The following DPY19L3 variants were observed in gnomAD, a reference collection of about 807,000 sequenced individuals.
DPY19L3 encodes the protein protein C-mannosyl-transferase DPY19L3.
A neutral mutation model predicts 92.3 loss-of-function variants in DPY19L3; 51 were observed. That is an observed-to-expected ratio of 0.55 (90% confidence interval 0.44 to 0.70). DPY19L3 has a LOEUF of 0.70. Ranked by LOEUF, DPY19L3 falls within the 30% of genes least tolerant of loss-of-function variation. DPY19L3 has a pLI of 0.00. For synonymous variants in DPY19L3, 309 were observed against 315.2 expected (o/e 0.98, Z 0.21); for missense variants, 706 against 855.9 (o/e 0.82, Z 2.18).
chr19:32,482,106 C>G lies in DPY19L3; in HGVS notation c.2017C>G (p.Pro673Ala). 1 of 1,613,750 alleles carries G rather than the reference C, an allele frequency of 6.2e-7. No individual in the cohort carries two copies. Among genetic ancestry groups the G allele is most frequent in the South Asian group, 1.1e-5 (1 of 91,062 alleles). Residue 673 changes from proline (P) to alanine (A), a missense_variant, in exon 19 of 19, where the codon CCT (proline) becomes GCT (alanine). By Grantham distance (27) the Pro-to-Ala change is conservative. Transcript: ENST00000392250. The part of the protein sequence containing the change: ...HMMDGPGEND[P>A]DLKPADHPRF... ...GATGGATGGCCCAGGAGAGAATGATCCTGATTTGAAACCTGCAGACCACCC... is the reference window on the plus strand; with the variant it reads ...GATGGATGGCCCAGGAGAGAATGATGCTGATTTGAAACCTGCAGACCACCC...
rs1476757248 is a variant in DPY19L3, at chr19:32,485,351, A to C, written c.*3111A>C. 2 of 152,032 alleles carry C rather than the reference A, an allele frequency of 1.3e-5. No homozygotes were observed. The highest frequency in any genetic ancestry group is 1.5e-5 in the Non-Finnish European group (1 of 68,006). 9.4% of individuals were successfully genotyped at this position (152,032 alleles called of 1,614,324 possible). On this transcript the variant is annotated 3_prime_UTR_variant, in exon 19 of 19. Coordinates refer to ENST00000392250, the MANE Select transcript of DPY19L3 (RefSeq NM_001172774.2). Reference sequence around the variant, plus strand: ...TACCCAGGCCATTTATCATCCTGTTAATGATGATTTTCCCGACCCTTGTGA... The same window carrying C: ...TACCCAGGCCATTTATCATCCTGTTCATGATGATTTTCCCGACCCTTGTGA...
chr19:32,467,421 TACAA>T, intron 15 of DPY19L3: 1 of 986,426 alleles, frequency 1.0e-6, no homozygotes, highest in Non-Finnish European at 1.2e-6. Context: ...ATTGAAATAT[TACAA>T]AGGCATCATT....
intron 5 of DPY19L3, 113 bp downstream of exon 5, chr19:32,436,680 C>A: frequency 1.0e-6 from 1 of 959,582 alleles, no homozygotes. Flanking sequence ...AGTAGAAAAT[C>A]AGCAATACTA....
rs763067936 is a variant in DPY19L3 at position 32,463,994 on chromosome 19, C to A, written c.1557+14C>A. 2 of 1,553,538 alleles carry A rather than the reference C, an allele frequency of 1.3e-6. No individual in the cohort carries two copies. Among genetic ancestry groups the A allele is most frequent in the South Asian group, 1.2e-5 (1 of 86,830 alleles). ...AACCCAAAGAGGGTCAGTGTCATCC[C>A]TTTTTCCATCTCCTTTTATGACTTG... On this transcript the variant is annotated intron_variant, in intron 14 of 18. Transcript: ENST00000392250.
At chr19:32,444,243 A>G (rs899803028) in intron 8 of DPY19L3, among the ~76,000 whole-genome samples, 2 of 152,156 alleles carry the variant, frequency 1.3e-5, no homozygotes, top group African/African-American at 4.8e-5. Context: ...ACTCTAAGCA[A>G]AGAAGTAGAA....
chr19:32,451,316 C>A (rs1339186253), intron 8 of DPY19L3, among the ~76,000 whole-genome samples: 1 of 152,154 alleles, frequency 6.6e-6, no homozygotes, highest in Non-Finnish European at 1.5e-5. Flanking sequence ...AATATTATTT[C>A]TTTAGGTAAT....
chr19:32,468,568 A>G, intron 15 of DPY19L3, 163 bp from the exon 16 acceptor site: 1 of 1,315,090 alleles, frequency 7.6e-7, no homozygotes, highest in South Asian at 2.2e-5. Flanking sequence ...GTTCCCTTGT[A>G]TTAGGAGGGT....
intron 3 of DPY19L3, among the ~76,000 whole-genome samples, chr19:32,415,732 T>G (rs1555715767): frequency 6.6e-6 from 1 of 152,174 alleles, no homozygotes; most frequent in African/African-American, 2.4e-5. Context: ...AAATATTCAG[T>G]GAGTATCTTC....
intron 8 of DPY19L3, among the ~76,000 whole-genome samples, chr19:32,443,414 T>C (rs1271363186): frequency 6.6e-6 from 1 of 152,130 alleles, no homozygotes; most frequent in East Asian, 1.9e-4. Context: ...GTGATTGTAT[T>C]AGGAGGTAGG....
At chr19:32,448,773 G>A (rs934333872) in intron 8 of DPY19L3, among the ~76,000 whole-genome samples, 1 of 151,900 alleles carries the variant, frequency 6.6e-6, no homozygotes, top group South Asian at 2.1e-4. Flanking sequence ...GTTGTTTAGG[G>A]GTCAACTATA....
chr19:32,479,765 G>A (rs772113389), intron 17 of DPY19L3, among the ~76,000 whole-genome samples: 1 of 152,238 alleles, frequency 6.6e-6, no homozygotes, highest in Non-Finnish European at 1.5e-5. Context: ...TGGTATGAAC[G>A]TGAAGGGGGC....
rs1970739059 is a variant in DPY19L3 at position 32,484,039 on chromosome 19, C to T, written c.*1799C>T. 1 of 152,498 alleles carries T rather than the reference C, an allele frequency of 6.6e-6. No homozygotes were observed. The highest frequency in any genetic ancestry group is 1.5e-5 in the Non-Finnish European group (1 of 68,014). The allele number at this position is 152,498 out of a possible 1,614,324, so 9.4% of individuals were successfully genotyped here. On this transcript the variant is annotated 3_prime_UTR_variant, in exon 19 of 19. Coordinates refer to ENST00000392250, the MANE Select transcript of DPY19L3 (RefSeq NM_001172774.2). ...ATATTCCTGTATGTATTCATCTAAG[C>T]ATTTGGGCATTTGGAGTCTTAATAT...
At chr19:32,455,528 G>A (rs969823679) in intron 10 of DPY19L3, among the ~76,000 whole-genome samples, 2 of 151,518 alleles carry the variant, frequency 1.3e-5, no homozygotes, top group East Asian at 1.9e-4. Context: ...TTTTAGTACC[G>A]TAATATACAC....
At chr19:32,430,416 G>T (rs756487644) in intron 3 of DPY19L3, among the ~76,000 whole-genome samples, 1 of 151,926 alleles carries the variant, frequency 6.6e-6, no homozygotes, top group African/African-American at 2.4e-5. Flanking sequence ...AACCTGATGG[G>T]CCTTTTTTTA....
chr19:32,427,467 C>T (rs78620674), intron 3 of DPY19L3, among the ~76,000 whole-genome samples: 2,211 of 152,212 alleles, frequency 0.015, 48 homozygotes, highest in African/African-American at 0.049. Context: ...TAACATTTTC[C>T]ACTGTTATTC....
intron 3 of DPY19L3, among the ~76,000 whole-genome samples, chr19:32,417,852 G>A (rs2145419295): frequency 6.6e-6 from 1 of 152,274 alleles, no homozygotes; most frequent in East Asian, 1.9e-4. Context: ...CGTAACCAGG[G>A]ACAGAGGTCA....
chr19:32,453,400 G>C (rs1011986025), intron 9 of DPY19L3, 124 bp downstream of exon 9: 1 of 929,330 alleles, frequency 1.1e-6, no homozygotes, highest in South Asian at 1.9e-5. Flanking sequence ...AAAAGAGCAC[G>C]TGGCATTGTG....
chr19:32,444,270 A>C (rs1969417506), intron 8 of DPY19L3, among the ~76,000 whole-genome samples: 2 of 152,312 alleles, frequency 1.3e-5, no homozygotes, highest in East Asian at 3.9e-4. Flanking sequence ...AAGAAGAAGC[A>C]AGTGGAAATT....
intron 18 of DPY19L3, chr19:32,480,908 G>T: frequency 4.6e-6 from 2 of 433,524 alleles, no homozygotes; most frequent in Non-Finnish European, 8.1e-6. Flanking sequence ...CTGCTCCAAC[G>T]CTTCGTATTG....
Sources: gnomAD v4.1 joint callset for allele counts (sites outside exome capture counted in the v4.1 genomes callset) on GRCh38, gnomAD v4.1.1 for gene constraint, MANE v1.5 for transcripts, NCBI Gene and HGNC (gene_info 2026-07-23, HGNC 2026-07-21) for gene names.